Variants in VOPP1 observed in about 807,000 individuals in gnomAD.
The protein encoded by VOPP1 is VOPP1 WW domain binding protein, also known as WW domain binding protein VOPP1.
Under a neutral mutation model 23.5 loss-of-function variants are expected in VOPP1, and 8 were observed. The ratio of observed to expected loss-of-function variants is 0.34; its 90% confidence interval spans 0.20 to 0.61. The LOEUF (loss-of-function observed/expected upper bound fraction) is 0.61. Ranked by LOEUF, VOPP1 falls within the 20% of genes least tolerant of loss-of-function variation. The pLI is 0.78. For synonymous variants in VOPP1, 83 were observed against 97.3 expected (o/e 0.85, Z 0.86); for missense variants, 174 against 238.1 (o/e 0.73, Z 1.77).
In VOPP1 at chr7:55,473,023, G is replaced by A. The variant is rs755958846; in HGVS notation, c.351C>T (p.Pro117=). The A allele has an allele frequency of 1.9e-6, 3 of 1,598,864 alleles. No individual in the cohort carries two copies. Among genetic ancestry groups the A allele is most frequent in the Admixed American group, 3.5e-5 (2 of 56,410 alleles). ...CCGGTCCTCCTGGGTCGGTGTAATA[G>A]GGCGGCCCCGGCTGCTGGGCTCCTG... ...PGPGAQQPGP[P]YYTDPGGPGM... is the part of the protein sequence containing the mutation. The change falls in exon 5 of 5, where the codon CCC becomes CCT. Residue 117 remains proline, a synonymous_variant. Coordinates refer to ENST00000285279, the MANE Select transcript of VOPP1 (RefSeq NM_030796.5).
intron 1 of VOPP1, chr7:55,538,667 T>A: frequency 6.5e-7 from 1 of 1,535,846 alleles, no homozygotes; most frequent in Non-Finnish European, 8.7e-7. Flanking sequence ...TTGTGTGTAA[T>A]GACAAAAACA....
intron 4 of VOPP1, among the ~76,000 whole-genome samples, chr7:55,442,231 G>C (rs1041482170): frequency 5.3e-5 from 8 of 152,118 alleles, no homozygotes; most frequent in African/African-American, 1.9e-4. Context: ...CGGGGCAGAG[G>C]TTCCATCAGA....
chr7:55,466,839 T>A (rs1791643428), downstream of VOPP1, among the ~76,000 whole-genome samples: 1 of 152,086 alleles, frequency 6.6e-6, no homozygotes, highest in South Asian at 2.1e-4. Context: ...TTCAAAACAC[T>A]TAAAATTGGG....
intron 1 of VOPP1, among the ~76,000 whole-genome samples, chr7:55,563,568 T>C (rs952236337): frequency 1.3e-4 from 20 of 152,236 alleles, no homozygotes; most frequent in Admixed American, 3.3e-4. Flanking sequence ...CATTTGCATA[T>C]ACACAGTGAA....
intron 4 of VOPP1, among the ~76,000 whole-genome samples, chr7:55,448,927 A>C (rs941352318): frequency 2.0e-5 from 3 of 152,236 alleles, no homozygotes; most frequent in Non-Finnish European, 2.9e-5. Context: ...AAACTGGAAC[A>C]GTTTAATCGC....
chr7:55,441,414 TA>T lies in VOPP1; in HGVS notation n.418-5241del, dbSNP rs112097093. ...CCACACCCAGAGACAAGCGCACAGT[TA>T]AAAGTGCCTGGGCAGGTGAGGGTGT... On this transcript the variant is annotated intron_variant and non_coding_transcript_variant, in intron 4 of 4. Transcript: ENST00000462326. Among the ~76,000 whole-genome samples the T allele has an allele frequency of 9.9e-3, 1,511 of 152,260 alleles. 23 individuals carry two copies. Among genetic ancestry groups the T allele is most frequent in the African/African-American group, 0.033 (1,374 of 41,532 alleles).
intron 4 of VOPP1, among the ~76,000 whole-genome samples, chr7:55,445,170 GCT>G (rs755407482): frequency 6.6e-5 from 10 of 151,498 alleles, no homozygotes; most frequent in Non-Finnish European, 1.2e-4. Flanking sequence ...TAGCACGTGT[GCT>G]CTTTCTTTTG....
intron 1 of VOPP1, among the ~76,000 whole-genome samples, chr7:55,543,177 A>C (rs1457947170): frequency 6.6e-6 from 1 of 152,194 alleles, no homozygotes; most frequent in Non-Finnish European, 1.5e-5. Context: ...AGCCTCCCAA[A>C]GTGCTGGGAT....
downstream of VOPP1, among the ~76,000 whole-genome samples, chr7:55,435,897 CTCAG>C (rs1211770823): frequency 6.6e-6 from 1 of 152,240 alleles, no homozygotes; most frequent in Non-Finnish European, 1.5e-5. Context: ...GGCTCCTGTC[CTCAG>C]TCAGCATCGC....
At chr7:55,457,808 T>C (rs1791406238) in intron 4 of VOPP1, among the ~76,000 whole-genome samples, 1 of 152,128 alleles carries the variant, frequency 6.6e-6, no homozygotes, top group Non-Finnish European at 1.5e-5. Context: ...AGGGATTTTT[T>C]TTTTGCTGTT....
chr7:55,461,389 T>A (rs1004994732), intron 4 of VOPP1, among the ~76,000 whole-genome samples: 9 of 150,978 alleles, frequency 6.0e-5, no homozygotes, highest in East Asian at 3.9e-4. Flanking sequence ...TACAGAAATT[T>A]AAAAAAAAAT....
chr7:55,459,646 T>A (rs1484060880), intron 4 of VOPP1, among the ~76,000 whole-genome samples: 1 of 152,128 alleles, frequency 6.6e-6, no homozygotes, highest in Non-Finnish European at 1.5e-5. Context: ...AGGTTTTCCA[T>A]TTTGTTGGCT....
At chr7:55,490,964 T>C (rs1265901055) in intron 4 of VOPP1, among the ~76,000 whole-genome samples, 2 of 152,238 alleles carry the variant, frequency 1.3e-5, no homozygotes, top group Non-Finnish European at 1.5e-5. Flanking sequence ...TGCATCTTGA[T>C]AACAGCCTGT....
intron 4 of VOPP1, among the ~76,000 whole-genome samples, chr7:55,487,904 G>T (rs1793263497): frequency 6.6e-6 from 1 of 152,176 alleles, no homozygotes; most frequent in Non-Finnish European, 1.5e-5. Context: ...CTACAGTGCT[G>T]CCTCAGCCTA....
At chr7:55,438,421 G>A (rs1790884816) in intron 4 of VOPP1, among the ~76,000 whole-genome samples, 1 of 152,024 alleles carries the variant, frequency 6.6e-6, no homozygotes, top group African/African-American at 2.4e-5. Flanking sequence ...TATGTTATAA[G>A]GTAATAAATG....
chr7:55,437,252 G>A (rs970342133), intron 4 of VOPP1, among the ~76,000 whole-genome samples: 4 of 152,174 alleles, frequency 2.6e-5, no homozygotes, highest in Non-Finnish European at 4.4e-5. Context: ...GAGTCCCCAC[G>A]GAGGCCGCCT....
At chr7:55,443,024 C>A (rs1323408345) in intron 4 of VOPP1, among the ~76,000 whole-genome samples, 1 of 151,790 alleles carries the variant, frequency 6.6e-6, no homozygotes, top group Non-Finnish European at 1.5e-5. Flanking sequence ...GAGGCTGAGG[C>A]AGGAGAATGG....
At chr7:55,453,151 C>A (rs1456381913) in intron 4 of VOPP1, among the ~76,000 whole-genome samples, 1 of 152,248 alleles carries the variant, frequency 6.6e-6, no homozygotes, top group Non-Finnish European at 1.5e-5. Context: ...GCACCCTGTA[C>A]TTCCAAGCTA....
At chr7:55,463,194 G>A (rs146340926) in intron 4 of VOPP1, among the ~76,000 whole-genome samples, 2 of 152,296 alleles carry the variant, frequency 1.3e-5, no homozygotes, top group African/African-American at 4.8e-5. Flanking sequence ...GTATTCTGCA[G>A]TTTTTGTTCT....
Sources: allele counts gnomAD v4.1 joint callset (sites outside exome capture counted in the v4.1 genomes callset), GRCh38; gene constraint gnomAD v4.1.1; transcripts MANE v1.5; gene names NCBI Gene and HGNC (gene_info 2026-07-23, HGNC 2026-07-21).